The following FRMD4B variants were observed in gnomAD, a reference collection of about 807,000 sequenced individuals.
The protein encoded by FRMD4B is FERM domain-containing protein 4B.
FRMD4B carries 74 observed loss-of-function variants against 141.5 expected under a neutral mutation model. That is an observed-to-expected ratio of 0.52 (90% CI 0.43 to 0.63). The LOEUF (loss-of-function observed/expected upper bound fraction) is 0.63, where lower values mean the gene tolerates loss of function less well. Ranked by LOEUF, FRMD4B falls within the 30% of genes least tolerant of loss-of-function variation. FRMD4B has a pLI of 0.00. For synonymous variants in FRMD4B, 506 were observed against 467.9 expected, an observed-to-expected ratio of 1.08 and a Z score of -1.05; for missense variants, 1,366 against 1,253.4, an observed-to-expected ratio of 1.09 and a Z score of -1.36.
intron 5 of FRMD4B, among the ~76,000 whole-genome samples, chr3:69,253,398 GA>G (rs1405187825): frequency 6.6e-6 from 1 of 152,032 alleles, no homozygotes; most frequent in East Asian, 1.9e-4. Flanking sequence ...GGAAACAGGT[GA>G]GGCTGTGGAA....
intron 4 of FRMD4B, among the ~76,000 whole-genome samples, chr3:69,289,188 T>C (rs1051965743): frequency 2.0e-5 from 3 of 152,204 alleles, no homozygotes; most frequent in African/African-American, 7.2e-5. Context: ...GATCAAGATG[T>C]AGTGTTTCAT....
intron 7 of FRMD4B, among the ~76,000 whole-genome samples, chr3:69,245,343 G>C (rs1375364030): frequency 6.7e-6 from 1 of 149,356 alleles, no homozygotes; most frequent in Admixed American, 6.6e-5. Context: ...GTGTGTGTGT[G>C]TGTGTGTGTG....
At chr3:69,493,685 TTC>T (rs138039931) in intron 1 of FRMD4B, among the ~76,000 whole-genome samples, 1 of 151,512 alleles carries the variant, frequency 6.6e-6, no homozygotes. Flanking sequence ...TTCTTTAGAA[TTC>T]TCTCTCTCTC....
intron 1 of FRMD4B, among the ~76,000 whole-genome samples, chr3:69,337,026 T>TGTG (rs1702579832): frequency 6.6e-6 from 1 of 151,914 alleles, no homozygotes; most frequent in Non-Finnish European, 1.5e-5. Context: ...ATAAAGAAAA[T>TGTG]GTGGCACCAC....
intron 11 of FRMD4B, among the ~76,000 whole-genome samples, chr3:69,210,900 C>A (rs1038501750): frequency 1.3e-5 from 2 of 150,808 alleles, no homozygotes; most frequent in Non-Finnish European, 2.9e-5. Flanking sequence ...GTAATCCCAG[C>A]TACTTGGGAG....
In FRMD4B at chr3:69,483,272, GA is replaced by G. The variant is rs558238681; in HGVS notation, c.-128-50512del. 8.5e-5 allele frequency among the ~76,000 whole-genome samples: 13 copies of G among 152,342 alleles called. No homozygotes were observed. In the South Asian group the frequency reaches 2.7e-3, roughly 32 times the overall value. On this transcript the variant is annotated intron_variant, in intron 1 of 5. Coordinates refer to the FRMD4B transcript ENST00000459638. ...AACAGTCAAATATTTTAGGTGAGAA[GA>G]GTGTCTGTGGCTTCTAAGGCCTTTG...
rs1054073417 is a variant in FRMD4B at position 69,541,948 on chromosome 3, C to T, written c.-129+258G>A. 3.3e-5 allele frequency among the ~76,000 whole-genome samples: 5 copies of T among 152,002 alleles called. No individual in the cohort carries two copies. In the East Asian group the frequency reaches 9.8e-4, roughly 30 times the overall value. The stretch of plus-strand genomic sequence containing the variant: ...CACCAACGCCAACGCCTCGAAACCG[C>T]CAAACTTCCTGTCTCCATACCACCA... On this transcript the variant is annotated intron_variant, in intron 1 of 5. Coordinates refer to the FRMD4B transcript ENST00000459638.
chr3:69,212,475 A>G lies in FRMD4B; in HGVS notation c.876+3788T>C, dbSNP rs112083909. 2.3e-3 allele frequency among the ~76,000 whole-genome samples: 354 copies of G among 152,124 alleles called. 4 individuals carry two copies. The highest frequency in any genetic ancestry group is 7.8e-3 in the African/African-American group (322 of 41,516). On this transcript the variant is annotated intron_variant, in intron 11 of 22. Transcript: ENST00000398540. ...TGGAGTGGCATGTTTTGGAACTGAAATAAAAAAACCCTGCAAATCCAAAAA... is the reference window on the plus strand; with the variant it reads ...TGGAGTGGCATGTTTTGGAACTGAAGTAAAAAAACCCTGCAAATCCAAAAA...
At chr3:69,290,826 T>A (rs1255301619) in intron 4 of FRMD4B, among the ~76,000 whole-genome samples, 1 of 152,152 alleles carries the variant, frequency 6.6e-6, no homozygotes, top group Non-Finnish European at 1.5e-5. Flanking sequence ...TAGGTCTTGG[T>A]CTGGGACAAT....
intron 1 of FRMD4B, among the ~76,000 whole-genome samples, chr3:69,465,640 GTTTGGT>G (rs1705770604): frequency 6.6e-6 from 1 of 151,820 alleles, no homozygotes; most frequent in South Asian, 2.1e-4. Context: ...AATATGTGGT[GTTTGGT>G]TTTCTGTTCT....
chr3:69,398,836 C>T (rs1021396890), intron 2 of FRMD4B, among the ~76,000 whole-genome samples: 1 of 152,178 alleles, frequency 6.6e-6, no homozygotes, highest in Non-Finnish European at 1.5e-5. Context: ...CCCAAAGATA[C>T]AAACTTCCTA....
At chr3:69,245,349 G>GTTTTTT (rs1218555167) in intron 7 of FRMD4B, among the ~76,000 whole-genome samples, 1 of 151,004 alleles carries the variant, frequency 6.6e-6, no homozygotes, top group Admixed American at 6.6e-5. Flanking sequence ...GTGTGTGTGT[G>GTTTTTT]TGTGTTTTTA....
At chr3:69,497,336 T>C (rs1035280908) in intron 1 of FRMD4B, among the ~76,000 whole-genome samples, 2 of 152,216 alleles carry the variant, frequency 1.3e-5, no homozygotes, top group Admixed American at 6.5e-5. Flanking sequence ...TTGTTATCTT[T>C]GTAATGCTTG....
intron 1 of FRMD4B, among the ~76,000 whole-genome samples, chr3:69,439,156 T>G (rs1213312332): frequency 6.6e-6 from 1 of 152,194 alleles, no homozygotes; most frequent in Admixed American, 6.5e-5. Context: ...CCTATTATAT[T>G]TTGCTCAACA....
intron 5 of FRMD4B, among the ~76,000 whole-genome samples, chr3:69,284,691 A>G (rs768353553): frequency 6.6e-6 from 1 of 152,242 alleles, no homozygotes; most frequent in Non-Finnish European, 1.5e-5. Flanking sequence ...AAATAGGCAG[A>G]GAAACATGAC....
At chr3:69,245,695 A>C (rs1575652841) in intron 7 of FRMD4B, among the ~76,000 whole-genome samples, 15 of 121,882 alleles carry the variant, frequency 1.2e-4, no homozygotes, top group South Asian at 2.6e-4. Context: ...ACAGAGTCCC[A>C]CTCTGTCATC....
chr3:69,449,439 G>A (rs905835925), intron 1 of FRMD4B, among the ~76,000 whole-genome samples: 9 of 152,158 alleles, frequency 5.9e-5, no homozygotes, highest in Non-Finnish European at 1.2e-4. Flanking sequence ...TAACCCAAAA[G>A]AGTTGACTCT....
intron 1 of FRMD4B, among the ~76,000 whole-genome samples, chr3:69,351,360 A>G (rs775379813): frequency 6.6e-6 from 1 of 152,216 alleles, no homozygotes; most frequent in Non-Finnish European, 1.5e-5. Flanking sequence ...TATGATCCCG[A>G]GACAGGCCTC....
chr3:69,351,789 C>T (rs552566744), intron 1 of FRMD4B, among the ~76,000 whole-genome samples: 33 of 152,314 alleles, frequency 2.2e-4, no homozygotes, highest in Admixed American at 2.0e-3. Flanking sequence ...AAAAATTCCT[C>T]CTCTTCTCTG....
Sources: allele counts gnomAD v4.1 joint callset (sites outside exome capture counted in the v4.1 genomes callset), GRCh38; gene constraint gnomAD v4.1.1; transcripts MANE v1.5; gene names NCBI Gene and HGNC (gene_info 2026-07-23, HGNC 2026-07-21).